Variants in SEMA3A observed in about 807,000 individuals in gnomAD.
SEMA3A encodes the protein semaphorin 3A, also known as semaphorin-3A.
Under a neutral mutation model 97.9 loss-of-function variants are expected in SEMA3A, and 29 were observed. The ratio of observed to expected loss-of-function variants is 0.30; its 90% confidence interval spans 0.22 to 0.40. The LOEUF (loss-of-function observed/expected upper bound fraction) is 0.40. Ranked by LOEUF, SEMA3A falls within the 10% of genes least tolerant of loss-of-function variation. The pLI is 1.00. For synonymous variants in SEMA3A, 321 were observed against 323.7 expected, an observed-to-expected ratio of 0.99 and a Z score of 0.09; for missense variants, 763 against 951.3, an observed-to-expected ratio of 0.80 and a Z score of 2.60.
intron 3 of SEMA3A, among the ~76,000 whole-genome samples, chr7:84,296,553 T>C (rs1800876666): frequency 1.3e-5 from 2 of 152,174 alleles, no homozygotes; most frequent in Non-Finnish European, 2.9e-5. Flanking sequence ...TACAGGGGCT[T>C]CTTTACCACT....
intron 1 of SEMA3A, among the ~76,000 whole-genome samples, chr7:84,455,485 T>G (rs1166737658): frequency 2.0e-5 from 3 of 151,986 alleles, no homozygotes; most frequent in African/African-American, 7.2e-5. Flanking sequence ...TTTTATAACC[T>G]CTTTACAATA....
At chr7:84,338,449 T>A (rs976468865) in intron 2 of SEMA3A, among the ~76,000 whole-genome samples, 2 of 152,048 alleles carry the variant, frequency 1.3e-5, no homozygotes, top group African/African-American at 4.8e-5. Flanking sequence ...GGATAGACAA[T>A]AAGAGTTGAT....
At position 84,243,301 on chromosome 7, in the gene SEMA3A, T is replaced by G. The variant is rs181532660; in HGVS notation, c.-82-48633A>C. 5.9e-5 allele frequency among the ~76,000 whole-genome samples: 9 copies of G among 152,318 alleles called. No individual in the cohort carries two copies. The East Asian group carries it at 1.7e-3, about 29-fold the overall frequency. The stretch of plus-strand genomic sequence containing the variant: ...CCCGGGAATTTTTGTTGGTAGGCTA[T>G]TAATTACTGCCTGAGTTTCAGAACT... On this transcript the variant is annotated intron_variant, in intron 3 of 3. Transcript: ENST00000424555.
intron 3 of SEMA3A, among the ~76,000 whole-genome samples, chr7:84,289,691 G>A (rs1200025420): frequency 6.6e-6 from 1 of 152,068 alleles, no homozygotes; most frequent in East Asian, 1.9e-4. Context: ...AATGATTTTA[G>A]CTGCTGTGGA....
intron 3 of SEMA3A, among the ~76,000 whole-genome samples, chr7:84,229,461 C>T (rs1799067761): frequency 6.6e-6 from 1 of 152,026 alleles, no homozygotes; most frequent in Non-Finnish European, 1.5e-5. Context: ...TATTATTTAA[C>T]CTTGGATTGC....
intron 1 of SEMA3A, among the ~76,000 whole-genome samples, chr7:84,480,338 G>C (rs902685880): frequency 1.3e-5 from 2 of 152,092 alleles, no homozygotes; most frequent in African/African-American, 2.4e-5. Flanking sequence ...AGAAACACCT[G>C]GAATGGAGCA....
At chr7:84,446,774 T>C (rs987388124) in intron 1 of SEMA3A, among the ~76,000 whole-genome samples, 23 of 152,120 alleles carry the variant, frequency 1.5e-4, no homozygotes, top group African/African-American at 4.8e-4. Flanking sequence ...CCACTGATGG[T>C]AGTGGTGGCC....
chr7:84,249,435 G>T (rs1403343886), intron 3 of SEMA3A, among the ~76,000 whole-genome samples: 5 of 129,566 alleles, frequency 3.9e-5, no homozygotes, highest in Admixed American at 7.7e-5. Flanking sequence ...CATATATATA[G>T]ATATATACAT....
intron 3 of SEMA3A, among the ~76,000 whole-genome samples, chr7:84,215,753 T>A (rs928977948): frequency 4.6e-5 from 7 of 152,224 alleles, no homozygotes; most frequent in African/African-American, 7.2e-5. Flanking sequence ...AGTTATTGGA[T>A]GAATAAATTC....
At chr7:84,385,208 G>A (rs566321764) in intron 1 of SEMA3A, among the ~76,000 whole-genome samples, 5 of 152,104 alleles carry the variant, frequency 3.3e-5, no homozygotes, top group Admixed American at 6.5e-5. Context: ...TTCTAGCAAG[G>A]AGGCATTGTG....
chr7:84,096,630 A>T (rs1287302803), intron 4 of SEMA3A, among the ~76,000 whole-genome samples: 1 of 152,106 alleles, frequency 6.6e-6, no homozygotes, highest in East Asian at 1.9e-4. Context: ...TACAAGGTGG[A>T]AAAGTGAATA....
intron 3 of SEMA3A, chr7:84,306,481 A>T (rs1288719588): frequency 6.6e-6 from 1 of 152,122 alleles, no homozygotes; most frequent in Non-Finnish European, 1.5e-5. Flanking sequence ...ATCTTCAAGA[A>T]TATGTTTTCA....
At chr7:84,009,596 T>C (rs1012819148) in intron 9 of SEMA3A, among the ~76,000 whole-genome samples, 10 of 152,202 alleles carry the variant, frequency 6.6e-5, no homozygotes, top group African/African-American at 2.2e-4. Context: ...TCCCAATGCA[T>C]ATCCTTCTTT....
chr7:84,403,715 G>A (rs1803977567), intron 1 of SEMA3A, among the ~76,000 whole-genome samples: 1 of 152,130 alleles, frequency 6.6e-6, no homozygotes, highest in Admixed American at 6.6e-5. Context: ...GAACGATCAG[G>A]CAGCAACATT....
intron 6 of SEMA3A, among the ~76,000 whole-genome samples, chr7:84,026,055 G>A (rs765911775): frequency 3.3e-5 from 5 of 152,152 alleles, no homozygotes; most frequent in Admixed American, 6.5e-5. Context: ...TACAAAATAA[G>A]TCTATTTGAA....
chr7:83,981,370 A>G lies in SEMA3A; in HGVS notation c.1603T>C (p.Cys535Arg), dbSNP rs1789408708. ...AECCLARDPY[C>R]AWDGSACSRY... ...GAACATGCAGAACCATCCCAAGCAC[A>G]GTAAGGGTCTCGGGCGAGGCAACAC... Residue 535 changes from cysteine (C) to arginine (R), a missense_variant, in exon 14 of 17, where the codon TGT (cysteine) becomes CGT (arginine). Physicochemically the swap from Cys to Arg is radical, Grantham distance 180. This residue lies in a region of SEMA3A where 678 missense variants were observed against 881.3 expected (regional missense o/e 0.77). Transcript: ENST00000265362. 2.5e-6 allele frequency: 4 copies of G among 1,613,942 alleles called. No homozygotes were observed.
At chr7:84,020,895 T>G (rs1791304839) in intron 6 of SEMA3A, among the ~76,000 whole-genome samples, 1 of 152,160 alleles carries the variant, frequency 6.6e-6, no homozygotes, top group Non-Finnish European at 1.5e-5. Context: ...ATGAATGCAT[T>G]TATACAATAC....
chr7:84,000,419 T>C (rs1026136293), intron 12 of SEMA3A, among the ~76,000 whole-genome samples: 4 of 152,152 alleles, frequency 2.6e-5, no homozygotes, highest in African/African-American at 9.6e-5. Flanking sequence ...TCTTGAAGAC[T>C]TAAACCAAGG....
intron 1 of SEMA3A, among the ~76,000 whole-genome samples, chr7:84,436,140 G>A (rs1334683141): frequency 6.6e-6 from 1 of 152,050 alleles, no homozygotes; most frequent in African/African-American, 2.4e-5. Context: ...GCAGAATATT[G>A]AAACTGGACC....
Sources: allele counts gnomAD v4.1 joint callset (sites outside exome capture counted in the v4.1 genomes callset), GRCh38; gene constraint gnomAD v4.1.1; regional missense constraint gnomAD v4.1.1; transcripts MANE v1.5; gene names NCBI Gene and HGNC (gene_info 2026-07-23, HGNC 2026-07-21).